Variants in CDC123 observed in about 807,000 individuals in gnomAD.
CDC123 encodes the protein translation initiation factor eIF2 assembly protein.
CDC123 carries 37 observed loss-of-function variants against 54.4 expected under a neutral mutation model. That is an observed-to-expected ratio of 0.68 (90% confidence interval 0.52 to 0.89). The LOEUF is 0.89. Among genes scored for constraint, CDC123 ranks in the 40% least tolerant of loss-of-function variants. The pLI is 0.00. For missense variants in CDC123, 361 were observed against 412.1 expected, an observed-to-expected ratio of 0.88 and a Z score of 1.07; for synonymous variants, 144 against 136.8, an observed-to-expected ratio of 1.05 and a Z score of -0.37.
intron 10 of CDC123, 72 bp from the exon 11 acceptor site, chr10:12,246,077 A>C: frequency 1.3e-6 from 2 of 1,526,594 alleles, no homozygotes; most frequent in Non-Finnish European, 1.8e-6. Flanking sequence ...CTCAGAATAA[A>C]AAAGTGTTTC....
At chr10:12,204,092 C>CAAAAAA (rs748765566) in intron 2 of CDC123, among the ~76,000 whole-genome samples, 1 of 131,158 alleles carries the variant, frequency 7.6e-6, no homozygotes, top group Non-Finnish European at 1.6e-5. Flanking sequence ...GACCTTGTCT[C>CAAAAAA]AAAAAAAAAA....
chr10:12,221,707 A>G (rs1267695229), intron 6 of CDC123, among the ~76,000 whole-genome samples: 1 of 149,786 alleles, frequency 6.7e-6, no homozygotes, highest in South Asian at 2.1e-4. Flanking sequence ...TATTTTTTTA[A>G]TTTGTATTTA....
intron 2 of CDC123, among the ~76,000 whole-genome samples, chr10:12,209,425 C>T (rs1231544986): frequency 1.3e-5 from 2 of 152,086 alleles, no homozygotes; most frequent in Non-Finnish European, 2.9e-5. Context: ...TTTGTAAAGA[C>T]AGAGTCTCTG....
At chr10:12,225,110 A>T (rs1382136477) in intron 6 of CDC123, among the ~76,000 whole-genome samples, 1 of 152,096 alleles carries the variant, frequency 6.6e-6, no homozygotes, top group Non-Finnish European at 1.5e-5. Context: ...TTTCTAAAAT[A>T]TGGGCTGGGT....
chr10:12,203,756 T>G (rs1835476337), intron 2 of CDC123, among the ~76,000 whole-genome samples: 1 of 152,062 alleles, frequency 6.6e-6, no homozygotes, highest in African/African-American at 2.4e-5. Context: ...CAAACATAAA[T>G]AAATAAATAA....
intron 7 of CDC123, among the ~76,000 whole-genome samples, chr10:12,234,787 CTT>C (rs1386898976): frequency 7.3e-5 from 9 of 123,898 alleles, no homozygotes; most frequent in African/African-American, 2.2e-4. Flanking sequence ...GAGTTTTGCT[CTT>C]GTTTCCCAGG....
At position 12,250,365 on chromosome 10, in the gene CDC123, G is replaced by T; in HGVS notation, c.*28G>T. 1 of 1,578,466 alleles carries T rather than the reference G, an allele frequency of 6.3e-7. No homozygotes were observed. The highest frequency in any genetic ancestry group is 1.1e-5 in the South Asian group (1 of 90,194). Reference sequence around the variant, plus strand: ...AGCGTACTGGAACTGGAGAAGAGGAGGCCCCGCCCCACCGCTCCGGGAGCT... The same window carrying T: ...AGCGTACTGGAACTGGAGAAGAGGATGCCCCGCCCCACCGCTCCGGGAGCT... On this transcript the variant is annotated 3_prime_UTR_variant, in exon 13 of 13. Coordinates refer to ENST00000281141, the MANE Select transcript of CDC123 (RefSeq NM_006023.3).
chr10:12,205,681 A>G (rs1835509454), intron 2 of CDC123, among the ~76,000 whole-genome samples: 1 of 152,222 alleles, frequency 6.6e-6, no homozygotes, highest in African/African-American at 2.4e-5. Flanking sequence ...CTGGTGTGCC[A>G]GCTCTGTGTA....
At chr10:12,235,230 T>C in intron 8 of CDC123, 107 bp downstream of exon 8, 2 of 894,592 alleles carry the variant, frequency 2.2e-6, no homozygotes, top group African/African-American at 3.3e-5. Flanking sequence ...GATGTCAATC[T>C]GTTTTCATCT....
chr10:12,232,200 C>T (rs559290453), intron 7 of CDC123, among the ~76,000 whole-genome samples: 2 of 152,164 alleles, frequency 1.3e-5, no homozygotes, highest in Admixed American at 6.6e-5. Context: ...CCTTCTTCCA[C>T]TTGCACTGTC....
intron 6 of CDC123, among the ~76,000 whole-genome samples, chr10:12,218,205 AT>A (rs1564436226): frequency 6.8e-6 from 1 of 147,252 alleles, no homozygotes; most frequent in African/African-American, 2.5e-5. Flanking sequence ...CTATATACAG[AT>A]TTTTTTAATG....
Position 12,237,247 on chromosome 10 carries a change from C to T in CDC123, c.669C>T (p.Tyr223=), listed in dbSNP as rs1033511000. The T allele has an allele frequency of 6.4e-7, 1 of 1,561,258 alleles. No homozygotes were observed. Residue 223 remains tyrosine (Y), a synonymous_variant, in exon 9 of 13, where the codon TAC becomes TAT. Coordinates refer to ENST00000281141, the MANE Select transcript of CDC123 (RefSeq NM_006023.3). ...IQDFFKKHIQ[Y]KFLDEDFVFD... is the part of the protein sequence containing the mutation. Reference sequence around the variant, plus strand: ...ACTTTTTCAAGAAACACATACAGTACAAATTCTTAGATGAAGACTGTGAGT... The same window carrying T: ...ACTTTTTCAAGAAACACATACAGTATAAATTCTTAGATGAAGACTGTGAGT...
chr10:12,234,374 T>C (rs1835948717), intron 7 of CDC123, among the ~76,000 whole-genome samples: 2 of 152,244 alleles, frequency 1.3e-5, no homozygotes, highest in African/African-American at 2.4e-5. Flanking sequence ...CCCGCCACCA[T>C]GCCTGGCTCA....
chr10:12,249,397 A>G (rs1836207365), intron 11 of CDC123, among the ~76,000 whole-genome samples, 184 bp from the exon 12 acceptor site: 1 of 152,210 alleles, frequency 6.6e-6, no homozygotes, highest in Non-Finnish European at 1.5e-5. Flanking sequence ...ACTGCACTCC[A>G]GCTGGAATTA....
intron 7 of CDC123, among the ~76,000 whole-genome samples, chr10:12,234,845 C>T (rs936830758): frequency 6.6e-6 from 1 of 151,486 alleles, no homozygotes; most frequent in African/African-American, 2.4e-5. Flanking sequence ...CCTCCACCTC[C>T]CGGGTTCAAG....
At chr10:12,198,373 A>C (rs1161814117) in intron 1 of CDC123, among the ~76,000 whole-genome samples, 1 of 152,144 alleles carries the variant, frequency 6.6e-6, no homozygotes, top group Non-Finnish European at 1.5e-5. Flanking sequence ...TGTTGCAGCA[A>C]ATATCTGCTG....
intron 2 of CDC123, among the ~76,000 whole-genome samples, chr10:12,208,791 C>T (rs1476434482): frequency 6.6e-6 from 1 of 152,168 alleles, no homozygotes; most frequent in Non-Finnish European, 1.5e-5. Context: ...CTTCTGCTCC[C>T]GCCAGTCCAA....
intron 10 of CDC123, 50 bp downstream of exon 10, chr10:12,238,535 A>G (rs765390874): frequency 1.3e-6 from 2 of 1,589,342 alleles, no homozygotes; most frequent in Non-Finnish European, 1.7e-6. Context: ...CTGGTTTTAT[A>G]AGCAGGCAGA....
intron 10 of CDC123, chr10:12,245,453 C>T (rs148018764): frequency 9.7e-4 from 148 of 152,352 alleles, no homozygotes; most frequent in African/African-American, 3.4e-3. Context: ...GATGGGGTTT[C>T]ACCATGTTGC....
Sources: allele counts gnomAD v4.1 joint callset (sites outside exome capture counted in the v4.1 genomes callset), GRCh38; gene constraint gnomAD v4.1.1; transcripts MANE v1.5; gene names NCBI Gene and HGNC (gene_info 2026-07-23, HGNC 2026-07-21).